FAM120C: variants seen among roughly 807,000 people sequenced by gnomAD.
FAM120C encodes the protein family with sequence similarity 120 member C.
FAM120C carries 14 observed loss-of-function variants against 71.2 expected under a neutral mutation model. The observed-to-expected ratio is 0.20, with a 90% CI of 0.13 to 0.31. FAM120C has a LOEUF of 0.31. Ranked by LOEUF, FAM120C falls within the 10% of genes least tolerant of loss-of-function variation. The pLI is 1.00. For synonymous variants in FAM120C, 354 were observed against 353.2 expected, an observed-to-expected ratio of 1.00 and a Z score of -0.03; for missense variants, 500 against 879.0, an observed-to-expected ratio of 0.57 and a Z score of 5.45.
In FAM120C at chrX:54,133,989, T is replaced by C; in HGVS notation, c.1674A>G (p.Arg558=). ...QPEWGNPNRD[R]GSWAQPVDTG... Reference sequence around the variant, plus strand: ...TATCAACAGGCTGTGCCCAGGACCCTCTGTCACGATTGGGATTTCCCCACT... The same window carrying C: ...TATCAACAGGCTGTGCCCAGGACCCCCTGTCACGATTGGGATTTCCCCACT... Residue 558 remains arginine, a synonymous_variant, in exon 8 of 16, where the codon AGA becomes AGG. Coordinates refer to ENST00000375180, the MANE Select transcript of FAM120C (RefSeq NM_017848.6). 8.3e-7 allele frequency: 1 copy of C among 1,211,300 alleles called. No individual in the cohort carries two copies. The highest frequency in any genetic ancestry group is 1.8e-5 in the South Asian group (1 of 56,863).
At chrX:54,113,103 A>C (rs1557126008) in intron 10 of FAM120C, among the ~76,000 whole-genome samples, 2 of 111,267 alleles carry the variant, frequency 1.8e-5, no homozygotes, top group Non-Finnish European at 3.8e-5. Flanking sequence ...AACTATAAAA[A>C]TCCTAGAAGA....
Position 54,149,158 on chromosome X carries a change from C to A in FAM120C, c.1158+2087G>T, listed in dbSNP as rs191489305. 1.3e-3 allele frequency among the ~76,000 whole-genome samples: 142 copies of A among 112,208 alleles called. 1 individual carries two copies. In the Admixed American group the frequency reaches 0.014, roughly 11 times the overall value. ...CACAAATGTTTATAGCAGCTCTATT[C>A]ATAACACCATAAATCGAAATAAATC... On this transcript the variant is annotated intron_variant, in intron 4 of 15. Coordinates refer to ENST00000375180, the MANE Select transcript of FAM120C (RefSeq NM_017848.6).
At chrX:54,086,615 C>T (rs1395074327) in intron 12 of FAM120C, among the ~76,000 whole-genome samples, 1 of 108,303 alleles carries the variant, frequency 9.2e-6, no homozygotes, top group Non-Finnish European at 1.9e-5. Flanking sequence ...ATTAGCCAGG[C>T]ATGGTGGCAT....
At chrX:54,132,441 G>A (rs986237924) in intron 9 of FAM120C, among the ~76,000 whole-genome samples, 24 of 111,777 alleles carry the variant, frequency 2.1e-4, no homozygotes, top group African/African-American at 7.8e-4. Flanking sequence ...GCCTCCCAAA[G>A]TGCTGGGATT....
chrX:54,155,331 C>T (rs1479664354), intron 3 of FAM120C, among the ~76,000 whole-genome samples: 4 of 111,944 alleles, frequency 3.6e-5, no homozygotes, highest in Non-Finnish European at 5.6e-5. Flanking sequence ...GACTGGGAAG[C>T]GGCAGTCAGC....
chrX:54,100,349 C>T (rs1446395809), intron 10 of FAM120C, among the ~76,000 whole-genome samples: 1 of 111,364 alleles, frequency 9.0e-6, no homozygotes, highest in East Asian at 2.8e-4. Flanking sequence ...AAAAATTAGC[C>T]GGGTGTGGCA....
At position 54,068,779 on chromosome X, in the gene FAM120C, C is replaced by CAGAAT. The variant is rs1197306063; in HGVS notation, c.*4249_*4253dup. 1.4e-4 allele frequency: 13 copies of CAGAAT among 94,041 alleles called. No homozygotes were observed. The highest frequency in any genetic ancestry group is 5.5e-4 in the African/African-American group (13 of 23,456). The allele number at this position is 94,041 out of a possible 1,213,427, so 7.8% of individuals were successfully genotyped here. On this transcript the variant is annotated 3_prime_UTR_variant, in exon 16 of 16. Transcript: ENST00000375180. ...GTGTTATTCTAAAAACAGAATAGAA[C>CAGAAT]AGAATAGAACAGAATAGAATAGAAT... is the stretch of plus-strand genomic sequence containing the variant.
At chrX:54,126,691 T>A (rs782670401) in intron 9 of FAM120C, among the ~76,000 whole-genome samples, 4 of 113,306 alleles carry the variant, frequency 3.5e-5, no homozygotes, top group Admixed American at 9.3e-5. Flanking sequence ...TCCATTGATA[T>A]AATCACATGA....
At chrX:54,146,888 A>G (rs1415121395) in intron 4 of FAM120C, among the ~76,000 whole-genome samples, 1 of 109,953 alleles carries the variant, frequency 9.1e-6, no homozygotes, top group African/African-American at 3.2e-5. Flanking sequence ...TGGGGAAAAG[A>G]TAGTCTTTTC....
chrX:54,125,829 TTACTA>T (rs1488398045), intron 9 of FAM120C, among the ~76,000 whole-genome samples: 3 of 112,671 alleles, frequency 2.7e-5, no homozygotes, highest in African/African-American at 9.7e-5. Flanking sequence ...ACTGACATCT[TTACTA>T]TGTTGAGTTT....
At chrX:54,180,022 TATCCATCTATTCA>T (rs2146656255) in intron 1 of FAM120C, among the ~76,000 whole-genome samples, 1 of 112,443 alleles carries the variant, frequency 8.9e-6, no homozygotes, top group East Asian at 2.8e-4. Flanking sequence ...ATTTATCACA[TATCCATCTATTCA>T]ATCCATCTTT....
chrX:54,159,352 T>C lies in FAM120C; in HGVS notation c.946+18A>G. ...AGGAAACTACCAATCACTGCAGTCT[T>C]TTCTTTGGATGACCTACCTAGCAGT... On this transcript the variant is annotated intron_variant, in intron 2 of 15. Coordinates refer to ENST00000375180, the MANE Select transcript of FAM120C (RefSeq NM_017848.6). 8.3e-7 allele frequency: 1 copy of C among 1,210,837 alleles called. No homozygotes were observed. The highest frequency in any genetic ancestry group is 2.3e-4 in the Middle Eastern group (1 of 4,345).
chrX:54,164,529 G>C (rs2067250762), intron 1 of FAM120C, among the ~76,000 whole-genome samples: 1 of 111,842 alleles, frequency 8.9e-6, no homozygotes, highest in Non-Finnish European at 1.9e-5. Context: ...TTTGTGACTG[G>C]CTTATTTCAC....
chrX:54,101,609 C>G (rs1557124162), intron 10 of FAM120C, among the ~76,000 whole-genome samples: 1 of 112,119 alleles, frequency 8.9e-6, no homozygotes, highest in East Asian at 2.8e-4. Flanking sequence ...GTAGCCTGAG[C>G]ACTTTGCTGC....
At chrX:54,173,202 T>A (rs1275835881) in intron 1 of FAM120C, among the ~76,000 whole-genome samples, 1 of 112,657 alleles carries the variant, frequency 8.9e-6, no homozygotes, top group East Asian at 2.8e-4. Flanking sequence ...AAATTCCAAG[T>A]ACATTTTTAA....
chrX:54,153,920 C>G (rs998367720), intron 3 of FAM120C, among the ~76,000 whole-genome samples: 3 of 108,707 alleles, frequency 2.8e-5, no homozygotes, highest in African/African-American at 1.0e-4. Flanking sequence ...AGGCTGGTCT[C>G]GAACTCCTGA....
At chrX:54,141,607 A>T (rs2067126263) in intron 4 of FAM120C, among the ~76,000 whole-genome samples, 1 of 110,127 alleles carries the variant, frequency 9.1e-6, no homozygotes, top group Admixed American at 1.0e-4. Context: ...TATCATTTGG[A>T]AATCCTAGAC....
At chrX:54,180,289 C>A (rs1219856023) in intron 1 of FAM120C, among the ~76,000 whole-genome samples, 7 of 112,413 alleles carry the variant, frequency 6.2e-5, no homozygotes, top group Non-Finnish European at 1.3e-4. Flanking sequence ...ATCTACAGCC[C>A]TCTTCATGGC....
chrX:54,107,520 T>A (rs1206278796), intron 10 of FAM120C, among the ~76,000 whole-genome samples: 3 of 109,003 alleles, frequency 2.8e-5, no homozygotes, highest in African/African-American at 1.0e-4. Flanking sequence ...CATTATTCTT[T>A]AAAAAAATTT....
Sources: gnomAD v4.1 joint callset for allele counts (sites outside exome capture counted in the v4.1 genomes callset) on GRCh38, gnomAD v4.1.1 for gene constraint, MANE v1.5 for transcripts, NCBI Gene and HGNC (gene_info 2026-07-23, HGNC 2026-07-21) for gene names.